Variants in CSMD1 observed in about 807,000 individuals in gnomAD.
CSMD1 encodes CUB and Sushi multiple domains 1.
In CSMD1, 213 loss-of-function variants were observed where a neutral mutation model predicts 417.5. The observed-to-expected ratio is 0.51, with a 90% CI of 0.46 to 0.57. The LOEUF (loss-of-function observed/expected upper bound fraction) is 0.57, where lower values mean the gene tolerates loss of function less well. Ranked by LOEUF, CSMD1 falls within the 20% of genes least tolerant of loss-of-function variation. The probability of loss-of-function intolerance (pLI) is 0.00; values close to 1 mark genes in which losing one functional copy is unlikely to be tolerated. For missense variants in CSMD1, 6,923 were observed against 4,529.7 expected (o/e 1.53, Z -15.17); for synonymous variants, 2,862 against 1,736.8 (o/e 1.65, Z -16.11).
chr8:3,997,351 G>A (rs917840166), intron 5 of CSMD1, among the ~76,000 whole-genome samples: 1 of 152,124 alleles, frequency 6.6e-6, no homozygotes, highest in African/African-American at 2.4e-5. Context: ...GTACACACCA[G>A]AGAACTGACC....
At chr8:4,197,906 C>T (rs1209149264) in intron 3 of CSMD1, among the ~76,000 whole-genome samples, 3 of 152,112 alleles carry the variant, frequency 2.0e-5, no homozygotes, top group African/African-American at 7.2e-5. Flanking sequence ...AAGCTTCATC[C>T]ATTTCATCTA....
chr8:3,502,898 C>G (rs1796666733), intron 10 of CSMD1, among the ~76,000 whole-genome samples: 1 of 152,094 alleles, frequency 6.6e-6, no homozygotes, highest in African/African-American at 2.4e-5. Flanking sequence ...CATGCATGAA[C>G]AGCATGAATG....
chr8:3,308,512 G>GA lies in CSMD1; in HGVS notation c.3632-10dup. 6.2e-7 allele frequency: 1 copy of GA among 1,605,092 alleles called. No homozygotes were observed. Among genetic ancestry groups the GA allele is most frequent in the South Asian group, 1.1e-5 (1 of 90,316 alleles). On this transcript the variant is annotated splice_polypyrimidine_tract_variant and intron_variant, in intron 23 of 69. Transcript: ENST00000635120. ...TTTTACCAGATCAAAACCTGCAAGA[G>GA]AGAAAGGCAAGGAATGAACAGAACT...
chr8:3,296,199 C>G lies in CSMD1; in HGVS notation c.3950+11496G>C, dbSNP rs188920373. Among the ~76,000 whole-genome samples the G allele has an allele frequency of 4.7e-4, 72 of 151,988 alleles. 1 individual carries two copies. The highest frequency in any genetic ancestry group is 6.8e-3 in the Middle Eastern group (2 of 294). ...TATTAAATGGGGTGGTTAGGCTAAG[C>G]CATCTTGGCAGAGGCAGATTTTGGT... is the stretch of plus-strand genomic sequence containing the variant. On this transcript the variant is annotated intron_variant, in intron 25 of 69. Coordinates refer to ENST00000635120, the MANE Select transcript of CSMD1 (RefSeq NM_033225.6).
chr8:4,311,354 A>G (rs528091788), intron 3 of CSMD1, among the ~76,000 whole-genome samples: 37 of 152,350 alleles, frequency 2.4e-4, no homozygotes, highest in African/African-American at 8.7e-4. Flanking sequence ...TTGCAGCAAC[A>G]TGGATGGAGC....
intron 8 of CSMD1, among the ~76,000 whole-genome samples, chr8:3,609,059 A>C (rs1197623696): frequency 6.6e-6 from 1 of 152,150 alleles, no homozygotes; most frequent in African/African-American, 2.4e-5. Flanking sequence ...TATTATAATT[A>C]TCTGTGTTAC....
chr8:4,913,785 T>G (rs542012443), intron 1 of CSMD1, among the ~76,000 whole-genome samples: 12 of 152,128 alleles, frequency 7.9e-5, no homozygotes, highest in African/African-American at 2.9e-4. Flanking sequence ...CACTGCCAAA[T>G]TGCACGCCAA....
intron 3 of CSMD1, among the ~76,000 whole-genome samples, chr8:4,385,133 G>A (rs1190234009): frequency 2.7e-5 from 4 of 148,052 alleles, no homozygotes; most frequent in African/African-American, 7.6e-5. Context: ...CACCATGTTG[G>A]CCAGGCTGGT....
intron 5 of CSMD1, among the ~76,000 whole-genome samples, chr8:3,819,662 C>G (rs553066096): frequency 1.3e-5 from 2 of 152,192 alleles, no homozygotes; most frequent in South Asian, 2.1e-4. Context: ...TGACTCACTG[C>G]GGCCTTGGCC....
At chr8:3,313,846 A>C (rs879094972) in intron 23 of CSMD1, among the ~76,000 whole-genome samples, 1 of 152,210 alleles carries the variant, frequency 6.6e-6, no homozygotes, top group South Asian at 2.1e-4. Flanking sequence ...CACTATTCAC[A>C]ATAGCAAAGA....
At chr8:4,430,607 G>C (rs775225115) in intron 2 of CSMD1, among the ~76,000 whole-genome samples, 5 of 152,070 alleles carry the variant, frequency 3.3e-5, no homozygotes, top group Admixed American at 6.6e-5. Flanking sequence ...AGACAAGTTT[G>C]TCAAGAATTC....
At chr8:4,916,390 G>A (rs1357591095) in intron 1 of CSMD1, among the ~76,000 whole-genome samples, 2 of 152,226 alleles carry the variant, frequency 1.3e-5, no homozygotes, top group Non-Finnish European at 2.9e-5. Context: ...TAGATTCAGA[G>A]TACATTGGAA....
chr8:3,024,114 T>G (rs1182253077), intron 51 of CSMD1, among the ~76,000 whole-genome samples: 1 of 151,068 alleles, frequency 6.6e-6, no homozygotes, highest in Non-Finnish European at 1.5e-5. Flanking sequence ...ATTATATTAT[T>G]ACCAGGATTC....
chr8:3,861,096 A>G (rs1017975392), intron 5 of CSMD1, among the ~76,000 whole-genome samples: 3 of 152,080 alleles, frequency 2.0e-5, no homozygotes, highest in Admixed American at 1.3e-4. Flanking sequence ...ACTTCTAGTG[A>G]GCTCGAAAAC....
chr8:4,167,758 G>C lies in CSMD1; in HGVS notation c.416-135659C>G, dbSNP rs116360737. ...TAATTCCAGCACTTTTAGAGACCAA[G>C]GCAGGAGGATTGCTTGAGTTCAGGA... On this transcript the variant is annotated intron_variant, in intron 3 of 69. Coordinates refer to ENST00000635120, the MANE Select transcript of CSMD1 (RefSeq NM_033225.6). Among the ~76,000 whole-genome samples, 6 of 152,302 alleles carry C rather than the reference G, an allele frequency of 3.9e-5. No individual in the cohort carries two copies. In the South Asian group the frequency reaches 8.3e-4, roughly 21 times the overall value.
intron 46 of CSMD1, among the ~76,000 whole-genome samples, chr8:3,101,880 C>A (rs796943641): frequency 1.4e-5 from 2 of 146,498 alleles, no homozygotes; most frequent in Non-Finnish European, 3.0e-5. Context: ...CAGCTCACTG[C>A]AACCTCCACA....
At chr8:4,655,683 A>G (rs904523536) in intron 1 of CSMD1, among the ~76,000 whole-genome samples, 3 of 152,076 alleles carry the variant, frequency 2.0e-5, no homozygotes, top group Non-Finnish European at 2.9e-5. Context: ...ATAATGGAAA[A>G]GGTAACTAGG....
rs766798852 is a variant in CSMD1, at chr8:2,957,808, C to G, written c.9703-1G>C. On this transcript the variant is annotated splice_acceptor_variant, in intron 62 of 69. Coordinates refer to ENST00000635120, the MANE Select transcript of CSMD1 (RefSeq NM_033225.6). LOFTEE classifies it high-confidence loss of function. ...ACCTGAAAAAAACCGTGCTTCCAAC[C>G]TAGAGAGGAAATCCAATACTAGCTT... 2 of 1,569,808 alleles carry G rather than the reference C, an allele frequency of 1.3e-6. No homozygotes were observed. Among genetic ancestry groups the G allele is most frequent in the Admixed American group, 1.9e-5 (1 of 54,052 alleles).
intron 3 of CSMD1, among the ~76,000 whole-genome samples, chr8:4,319,115 A>G (rs2128882913): frequency 6.6e-6 from 1 of 152,304 alleles, no homozygotes; most frequent in African/African-American, 2.4e-5. Flanking sequence ...CAAAGTAAGG[A>G]GGATTTTAAA....
Sources: gnomAD v4.1 joint callset for allele counts (sites outside exome capture counted in the v4.1 genomes callset) on GRCh38, gnomAD v4.1.1 for gene constraint, MANE v1.5 for transcripts, NCBI Gene and HGNC (gene_info 2026-07-23, HGNC 2026-07-21) for gene names.